Variants in TICRR observed in about 807,000 individuals in gnomAD.
The protein encoded by TICRR is treslin.
TICRR carries 132 observed loss-of-function variants against 178.1 expected under a neutral mutation model. That is an observed-to-expected ratio of 0.74 (90% CI 0.64 to 0.86). The LOEUF (loss-of-function observed/expected upper bound fraction) is 0.86. TICRR is among the 40% of genes least tolerant of loss of function. The pLI is 0.00. For missense variants in TICRR, 2,587 were observed against 2,334.3 expected (o/e 1.11, Z -2.23); for synonymous variants, 991 against 900.7 (o/e 1.10, Z -1.79).
At chr15:89,599,708 C>T (rs747686229) in intron 8 of TICRR, among the ~76,000 whole-genome samples, 1 of 152,162 alleles carries the variant, frequency 6.6e-6, no homozygotes, top group Non-Finnish European at 1.5e-5. Flanking sequence ...ATAATTCTCT[C>T]CTAATGAAAA....
intron 16 of TICRR, 86 bp downstream of exon 16, chr15:89,616,581 C>G: frequency 2.0e-6 from 2 of 1,006,870 alleles, no homozygotes; most frequent in Admixed American, 4.2e-5. Flanking sequence ...TTCTCTTGAC[C>G]TTCATGACTT....
At chr15:89,584,210 A>G (rs994103738) in intron 2 of TICRR, 76 bp from the exon 3 acceptor site, 48 of 1,368,290 alleles carry the variant, frequency 3.5e-5, no homozygotes, top group Admixed American at 4.8e-5. Context: ...TTTAGTATCT[A>G]TTCCTTATAT....
At chr15:89,579,453 C>A (rs1404332500) in intron 1 of TICRR, among the ~76,000 whole-genome samples, 1 of 152,120 alleles carries the variant, frequency 6.6e-6, no homozygotes, top group Non-Finnish European at 1.5e-5. Flanking sequence ...TCAAGTGATT[C>A]TCCTGCCTCA....
At chr15:89,583,346 G>A (rs1962764831) in intron 2 of TICRR, among the ~76,000 whole-genome samples, 1 of 152,162 alleles carries the variant, frequency 6.6e-6, no homozygotes, top group South Asian at 2.1e-4. Flanking sequence ...AAATAAATTA[G>A]TCTACAGAAA....
Position 89,575,834 on chromosome 15 carries a change from G to A in TICRR, c.248G>A (p.Arg83Lys). ...GACTTTGAGGAGGAGCTGGAGGCCA[G>A]GCTCGAGGATCGCGCCCACCTGCCC... ...WEDFEEELEARLEDRAHLPGP... is the reference protein window; with the variant it reads ...WEDFEEELEAKLEDRAHLPGP... Residue 83 changes from arginine to lysine, a missense_variant, in exon 1 of 22, where the codon AGG (arginine) becomes AAG (lysine). Physicochemically the swap from Arg to Lys is conservative, Grantham distance 26. Coordinates refer to ENST00000268138, the MANE Select transcript of TICRR (RefSeq NM_152259.4). 1.3e-6 allele frequency: 2 copies of A among 1,593,944 alleles called. No individual in the cohort carries two copies. The highest frequency in any genetic ancestry group is 2.3e-5 in the South Asian group (2 of 88,820).
rs192055187 is a variant in TICRR at position 89,612,964 on chromosome 15, G to A, written c.2870-3441G>A. ...TACTTTGTATTTTAAATAACAGGGG[G>A]GAACAGTTACAAATAAAAAACACTT... On this transcript the variant is annotated intron_variant, in intron 15 of 21. Transcript: ENST00000268138. Among the ~76,000 whole-genome samples the A allele has an allele frequency of 3.5e-3, 525 of 152,138 alleles. 4 individuals carry two copies. The highest frequency in any genetic ancestry group is 0.012 in the African/African-American group (514 of 41,492).
At position 89,624,087 on chromosome 15, in the gene TICRR, C is replaced by G. The variant is rs147300817; in HGVS notation, c.3777C>G (p.Gly1259=). The part of the protein sequence containing the change: ...RTPPRAAAFM[G]TPQNQTHQQP... ...CTCCGAGAGCAGCAGCCTTCATGGG[C>G]ACGCCTCAGAATCAAACACACCAAC... Residue 1259 remains glycine (G), a synonymous_variant, in exon 20 of 22, where the codon GGC becomes GGG. Transcript: ENST00000268138. 1 of 1,613,792 alleles carries G rather than the reference C, an allele frequency of 6.2e-7. No homozygotes were observed. Among genetic ancestry groups the G allele is most frequent in the Non-Finnish European group, 8.5e-7 (1 of 1,180,004 alleles).
chr15:89,590,712 C>T (rs558504727), intron 4 of TICRR, among the ~76,000 whole-genome samples: 2 of 152,318 alleles, frequency 1.3e-5, no homozygotes, highest in South Asian at 2.1e-4. Context: ...TACGTATCTC[C>T]ATGACTTCAC....
In TICRR at chr15:89,577,599, C is replaced by CTTTTTTTTTTTTTT. The variant is rs71151513; in HGVS notation, c.654+1373_654+1386dup. Among the ~76,000 whole-genome samples the CTTTTTTTTTTTTTT allele has an allele frequency of 3.1e-4, 19 of 60,872 alleles. 2 individuals are homozygous for CTTTTTTTTTTTTTT. Among genetic ancestry groups the CTTTTTTTTTTTTTT allele is most frequent in the African/African-American group, 1.5e-3 (19 of 12,956 alleles). The allele number at this position is 60,872 out of a possible 152,430, so 39.9% of individuals were successfully genotyped here. A position where few individuals can be genotyped will look rare whatever the true frequency, so the allele number is the denominator to read the frequency against. ...ATACAGAGTGGTAGTGAGGGAAGGCCTTTTTTTTTTTTTTTTTTTTTTTTT... is the reference window on the plus strand; with the variant it reads ...ATACAGAGTGGTAGTGAGGGAAGGCCTTTTTTTTTTTTTTTTTTTTTTTTTTTTTTTTTTTTTTT... On this transcript the variant is annotated intron_variant, in intron 1 of 21. Coordinates refer to ENST00000268138, the MANE Select transcript of TICRR (RefSeq NM_152259.4).
At chr15:89,579,693 T>C (rs1472713183) in intron 1 of TICRR, 1 of 151,848 alleles carries the variant, frequency 6.6e-6, no homozygotes, top group African/African-American at 2.4e-5. Flanking sequence ...ACTCATGGAG[T>C]AATGGGTGTC....
intron 15 of TICRR, among the ~76,000 whole-genome samples, chr15:89,614,328 T>G (rs1442793339): frequency 6.6e-6 from 1 of 151,574 alleles, no homozygotes; most frequent in Non-Finnish European, 1.5e-5. Context: ...TTTTTTTTTT[T>G]TTTTGAGATG....
intron 5 of TICRR, among the ~76,000 whole-genome samples, chr15:89,594,009 G>A (rs141002222): frequency 6.6e-6 from 1 of 152,104 alleles, no homozygotes; most frequent in Non-Finnish European, 1.5e-5. Context: ...ATTACAATGT[G>A]AAAGAATTAT....
intron 13 of TICRR, among the ~76,000 whole-genome samples, chr15:89,606,283 T>C (rs1421601830): frequency 6.6e-6 from 1 of 152,228 alleles, no homozygotes; most frequent in East Asian, 1.9e-4. Flanking sequence ...CCCAAAATGC[T>C]TAGGAGCAGA....
At chr15:89,577,495 T>C (rs1962644509) in intron 1 of TICRR, among the ~76,000 whole-genome samples, 1 of 149,362 alleles carries the variant, frequency 6.7e-6, no homozygotes, top group Non-Finnish European at 1.5e-5. Flanking sequence ...ATTAAACAGA[T>C]AAGCAAGTGA....
chr15:89,575,770 G>A lies in TICRR; in HGVS notation c.184G>A (p.Val62Met), dbSNP rs374157354. The change falls in exon 1 of 22, where the codon GTG (valine) becomes ATG (methionine). Residue 62 changes from valine to methionine, a missense_variant. Physicochemically the swap from Val to Met is conservative, Grantham distance 21. Coordinates refer to ENST00000268138, the MANE Select transcript of TICRR (RefSeq NM_152259.4). ...SQGARSRPSR[V>M]SDFRELGSRS... ...GGGGGCGCGGAGCCGGCCGTCCCGC[G>A]TGTCTGACTTCCGCGAGCTGGGGTC... 70 of 1,609,098 alleles carry A rather than the reference G, an allele frequency of 4.4e-5. No individual in the cohort carries two copies. The highest frequency in any genetic ancestry group is 5.4e-5 in the Non-Finnish European group (64 of 1,178,774).
rs763518555 is a variant in TICRR at position 89,616,412 on chromosome 15, C to A, written c.2877C>A (p.His959Gln). The A allele has an allele frequency of 6.2e-7, 1 of 1,613,734 alleles. No individual in the cohort carries two copies. Among genetic ancestry groups the A allele is most frequent in the African/African-American group, 1.3e-5 (1 of 74,926 alleles). ...LDNFKKNKGY[H>Q]KLLTKSVAET... ...GCTGTGTTTACATTTTAGGTTATCACAAACTGCTGACTAAGAGTGTGGCCG... is the reference window on the plus strand; with the variant it reads ...GCTGTGTTTACATTTTAGGTTATCAAAAACTGCTGACTAAGAGTGTGGCCG... Residue 959 changes from histidine to glutamine, a missense_variant, in exon 16 of 22, where the codon CAC (histidine) becomes CAA (glutamine). His to Gln is a conservative substitution (Grantham distance 24). Coordinates refer to ENST00000268138, the MANE Select transcript of TICRR (RefSeq NM_152259.4).
At chr15:89,584,870 T>C (rs1414635414) in intron 3 of TICRR, among the ~76,000 whole-genome samples, 3 of 152,120 alleles carry the variant, frequency 2.0e-5, no homozygotes, top group Non-Finnish European at 2.9e-5. Context: ...TATATAAGTA[T>C]TTAAGAAAAA....
chr15:89,596,449 C>T (rs1471091513), intron 7 of TICRR, among the ~76,000 whole-genome samples: 1 of 152,074 alleles, frequency 6.6e-6, no homozygotes, highest in African/African-American at 2.4e-5. Flanking sequence ...CGGGTTCAAG[C>T]GATTCTCCTG....
chr15:89,597,697 C>T (rs181925969), intron 7 of TICRR, among the ~76,000 whole-genome samples: 15 of 152,204 alleles, frequency 9.9e-5, no homozygotes, highest in Admixed American at 2.0e-4. Flanking sequence ...TTGTTTTTCT[C>T]ATTCAATATT....
Sources: allele counts gnomAD v4.1 joint callset (sites outside exome capture counted in the v4.1 genomes callset), GRCh38; gene constraint gnomAD v4.1.1; transcripts MANE v1.5; gene names NCBI Gene and HGNC (gene_info 2026-07-23, HGNC 2026-07-21).